JKAMP: variants seen among roughly 807,000 people sequenced by gnomAD.
JKAMP encodes JNK1/MAPK8-associated membrane protein.
JKAMP carries 20 observed loss-of-function variants against 40.2 expected under a neutral mutation model. That is an observed-to-expected ratio of 0.50 (90% CI 0.35 to 0.72). The LOEUF (loss-of-function observed/expected upper bound fraction) is 0.72, where lower values mean the gene tolerates loss of function less well. JKAMP is among the 30% of genes least tolerant of loss of function. The probability of loss-of-function intolerance (pLI) is 0.01; values close to 1 mark genes in which losing one functional copy is unlikely to be tolerated. For synonymous variants in JKAMP, 138 were observed against 131.6 expected (o/e 1.05, Z -0.33); for missense variants, 276 against 373.0 (o/e 0.74, Z 2.14).
chr14:59,484,855 C>G, intron 1 of JKAMP: 2 of 1,119,816 alleles, frequency 1.8e-6, no homozygotes, highest in South Asian at 1.7e-5. Context: ...TCTTCAGTCC[C>G]TTAGTTTAAT....
At chr14:59,500,344 T>C (rs528412830) in intron 5 of JKAMP, among the ~76,000 whole-genome samples, 1 of 152,358 alleles carries the variant, frequency 6.6e-6, no homozygotes, top group African/African-American at 2.4e-5. Context: ...ATAAGTAGTT[T>C]CATAAACTGA....
At chr14:59,486,002 C>T (rs552811259) in intron 1 of JKAMP, 1 of 152,242 alleles carries the variant, frequency 6.6e-6, no homozygotes, top group East Asian at 1.9e-4. Context: ...TGAATAAGGT[C>T]AAAGACAACG....
At position 59,484,528 on chromosome 14, in the gene JKAMP, G is replaced by C. The variant is rs1405511685; in HGVS notation, c.-62G>C. On this transcript the variant is annotated 5_prime_UTR_variant, in exon 1 of 7. The change abolishes an upstream ATG in the 5' untranslated region. Coordinates refer to ENST00000616435, the MANE Select transcript of JKAMP (RefSeq NM_016475.5). ...CCGCCGAGCTCGCTGTGGCCCGGAT[G>C]TTCGGTGCAGCTGCCAGATCCGCTG... 2 of 1,554,926 alleles carry C rather than the reference G, an allele frequency of 1.3e-6. No individual in the cohort carries two copies. Among genetic ancestry groups the C allele is most frequent in the South Asian group, 1.2e-5 (1 of 84,640 alleles).
intron 5 of JKAMP, among the ~76,000 whole-genome samples, chr14:59,500,720 C>A (rs1891815842): frequency 6.6e-6 from 1 of 152,150 alleles, no homozygotes; most frequent in Non-Finnish European, 1.5e-5. Context: ...ATAACTGGTA[C>A]TATTCTAGAA....
chr14:59,501,099 G>C, intron 5 of JKAMP, 92 bp from the exon 6 acceptor site: 1 of 798,872 alleles, frequency 1.3e-6, no homozygotes, highest in Non-Finnish European at 2.0e-6. Context: ...GAAAGGATTT[G>C]ACTCTAAGGA....
At chr14:59,488,441 C>T (rs912203729) in intron 3 of JKAMP, among the ~76,000 whole-genome samples, 3 of 151,888 alleles carry the variant, frequency 2.0e-5, no homozygotes, top group Non-Finnish European at 2.9e-5. Context: ...TAAATTATGC[C>T]TCATGGGATC....
intron 3 of JKAMP, among the ~76,000 whole-genome samples, chr14:59,492,040 C>G (rs1891054570): frequency 6.6e-6 from 1 of 152,114 alleles, no homozygotes; most frequent in South Asian, 2.1e-4. Context: ...TAAAATAGCA[C>G]TAGGACTTAT....
Position 59,495,118 on chromosome 14 carries a change from C to T in JKAMP, c.352C>T (p.Arg118Cys), listed in dbSNP as rs773352543. ...VSDPVGVLYI[R>C]SCRVLMLSDW... The stretch of plus-strand genomic sequence containing the variant: ...TGATCCAGTTGGTGTTCTTTATATT[C>T]GTTCATGTCGAGTATTGATGCTTTC... The change falls in exon 4 of 7, where the codon CGT (arginine) becomes TGT (cysteine). Residue 118 changes from arginine (R) to cysteine (C), a missense_variant. Coordinates refer to ENST00000616435, the MANE Select transcript of JKAMP (RefSeq NM_016475.5). The T allele has an allele frequency of 5.6e-6, 9 of 1,613,240 alleles. No homozygotes were observed. The highest frequency in any genetic ancestry group is 2.2e-5 in the East Asian group (1 of 44,864).
In JKAMP at chr14:59,495,048, A is replaced by T; in HGVS notation, c.282A>T (p.Ala94=). The change falls in exon 4 of 7, where the codon GCA becomes GCT. Residue 94 remains alanine, a synonymous_variant. Coordinates refer to ENST00000616435, the MANE Select transcript of JKAMP (RefSeq NM_016475.5). Reference sequence around the variant, plus strand: ...GCGCACTTTTCCAACACATCACTGCATTATTTGAATGCAGCATGGCAGCTA... The same window carrying T: ...GCGCACTTTTCCAACACATCACTGCTTTATTTGAATGCAGCATGGCAGCTA... ...SSSALFQHIT[A]LFECSMAAII... 3 of 1,613,868 alleles carry T rather than the reference A, an allele frequency of 1.9e-6. No homozygotes were observed. Among genetic ancestry groups the T allele is most frequent in the Non-Finnish European group, 2.5e-6 (3 of 1,179,844 alleles).
At chr14:59,495,319 G>C in intron 4 of JKAMP, 95 bp downstream of exon 4, 1 of 918,482 alleles carries the variant, frequency 1.1e-6, no homozygotes, top group African/African-American at 1.7e-5. Flanking sequence ...AACAGGTGTG[G>C]GTTTGAGTTC....
chr14:59,491,681 A>G (rs1315327336), intron 3 of JKAMP, among the ~76,000 whole-genome samples: 2 of 152,236 alleles, frequency 1.3e-5, no homozygotes, highest in Non-Finnish European at 2.9e-5. Flanking sequence ...ACTATGTGAG[A>G]CATTGCTGGT....
chr14:59,495,531 TTTTC>T (rs1291167415), intron 4 of JKAMP, among the ~76,000 whole-genome samples: 1 of 152,186 alleles, frequency 6.6e-6, no homozygotes, highest in African/African-American at 2.4e-5. Flanking sequence ...GATTAGTGTT[TTTTC>T]TTTTTTTCTC....
chr14:59,487,243 G>T, intron 2 of JKAMP: 1 of 154,634 alleles, frequency 6.5e-6, no homozygotes, highest in Non-Finnish European at 1.4e-5. Context: ...GAATATGGAG[G>T]CATTAATATA....
chr14:59,489,554 TCTGAGACC>T (rs1248264257), intron 3 of JKAMP, among the ~76,000 whole-genome samples: 1 of 152,256 alleles, frequency 6.6e-6, no homozygotes, highest in East Asian at 1.9e-4. Context: ...CCTGTCTTCT[TCTGAGACC>T]TCCAAACACT....
rs369862858 is a variant in JKAMP, at chr14:59,501,536, G to A, written c.717+269G>A. 1.3e-4 allele frequency among the ~76,000 whole-genome samples: 20 copies of A among 152,240 alleles called. No individual in the cohort carries two copies. In the South Asian group the frequency reaches 3.9e-3, roughly 30 times the overall value. ...ATGTCATTTCACATAATTTTCCCATGTAGCAAACATATAATTATTGAAATG... is the reference window on the plus strand; with the variant it reads ...ATGTCATTTCACATAATTTTCCCATATAGCAAACATATAATTATTGAAATG... On this transcript the variant is annotated intron_variant, in intron 6 of 6. Transcript: ENST00000616435.
chr14:59,486,222 G>C (rs1306638171), intron 1 of JKAMP, among the ~76,000 whole-genome samples: 1 of 152,174 alleles, frequency 6.6e-6, no homozygotes, highest in East Asian at 1.9e-4. Flanking sequence ...GCATACCTCT[G>C]TTATGAAATT....
intron 3 of JKAMP, among the ~76,000 whole-genome samples, chr14:59,494,816 T>C (rs895133050): frequency 3.3e-5 from 5 of 152,250 alleles, no homozygotes; most frequent in African/African-American, 1.2e-4. Context: ...AGGGTAGATA[T>C]AATTTCTGCT....
At chr14:59,489,597 TCCAAAGC>T (rs1409893617) in intron 3 of JKAMP, among the ~76,000 whole-genome samples, 1 of 152,246 alleles carries the variant, frequency 6.6e-6, no homozygotes, top group Non-Finnish European at 1.5e-5. Context: ...GGTACCCAGC[TCCAAAGC>T]TGGGTATCTT....
rs570623109 is a variant in JKAMP, at chr14:59,492,577, G to T, written c.252-2441G>T. 3.9e-5 allele frequency among the ~76,000 whole-genome samples: 6 copies of T among 152,278 alleles called. No individual in the cohort carries two copies. In the East Asian group the frequency reaches 1.2e-3, roughly 29 times the overall value. ...TATAGTTCATTTATGGTTCTCCCCA[G>T]TCGAGATATAATTTACCAGGCAAGG... On this transcript the variant is annotated intron_variant, in intron 3 of 6. Transcript: ENST00000616435.
Sources: gnomAD v4.1 joint callset for allele counts (sites outside exome capture counted in the v4.1 genomes callset) on GRCh38, gnomAD v4.1.1 for gene constraint, MANE v1.5 for transcripts, NCBI Gene and HGNC (gene_info 2026-07-23, HGNC 2026-07-21) for gene names.